Variants in CLASP1 observed in about 807,000 individuals in gnomAD.
CLASP1 encodes the protein CLIP-associating protein 1.
CLASP1 carries 38 observed loss-of-function variants against 192.3 expected under a neutral mutation model. The observed-to-expected ratio is 0.20, with a 90% CI of 0.15 to 0.26. The LOEUF is 0.26. Among genes scored for constraint, CLASP1 ranks in the 10% least tolerant of loss-of-function variants. The pLI, the probability that CLASP1 is intolerant of heterozygous loss-of-function variation, is 1.00. For synonymous variants in CLASP1, 691 were observed against 712.8 expected, an observed-to-expected ratio of 0.97 and a Z score of 0.49; for missense variants, 1,433 against 1,932.5, an observed-to-expected ratio of 0.74 and a Z score of 4.85.
intron 1 of CLASP1, among the ~76,000 whole-genome samples, chr2:121,624,769 A>T (rs2068012542): frequency 6.6e-6 from 1 of 152,188 alleles, no homozygotes; most frequent in South Asian, 2.1e-4. Context: ...AACATACATA[A>T]GATTTGCCAT....
At chr2:121,362,102 C>A (rs967332755) in intron 37 of CLASP1, among the ~76,000 whole-genome samples, 1 of 152,248 alleles carries the variant, frequency 6.6e-6, no homozygotes, top group East Asian at 1.9e-4. Flanking sequence ...TAATTCCCTT[C>A]ATCCACGAGT....
intron 2 of CLASP1, among the ~76,000 whole-genome samples, chr2:121,584,890 T>G (rs2061555865): frequency 6.6e-6 from 1 of 152,190 alleles, no homozygotes; most frequent in South Asian, 2.1e-4. Flanking sequence ...AGGCAAGTAG[T>G]GATAGTGCTG....
intron 19 of CLASP1, among the ~76,000 whole-genome samples, chr2:121,438,046 T>C (rs750824004): frequency 2.0e-5 from 3 of 152,242 alleles, no homozygotes; most frequent in Non-Finnish European, 4.4e-5. Context: ...AAGGGTACAT[T>C]CTGTTTTTAT....
intron 8 of CLASP1, 178 bp from the exon 9 acceptor site, chr2:121,470,138 A>G (rs1404888606): frequency 6.0e-6 from 4 of 662,544 alleles, no homozygotes; most frequent in African/African-American, 3.6e-5. Context: ...CCCAGAATGA[A>G]GCTACAAAGA....
At chr2:121,642,349 A>G (rs2072264721) in intron 1 of CLASP1, among the ~76,000 whole-genome samples, 1 of 150,290 alleles carries the variant, frequency 6.7e-6, no homozygotes, top group South Asian at 2.1e-4. Flanking sequence ...GCAGTAAGCC[A>G]TGATCATACC....
At chr2:121,384,031 C>T (rs1469585545) in intron 32 of CLASP1, among the ~76,000 whole-genome samples, 9 of 132,830 alleles carry the variant, frequency 6.8e-5, no homozygotes, top group Non-Finnish European at 8.4e-5. Context: ...CACACACACA[C>T]ATATATATGT....
chr2:121,642,411 A>G (rs1432321183), intron 1 of CLASP1, among the ~76,000 whole-genome samples: 2 of 151,820 alleles, frequency 1.3e-5, no homozygotes, highest in African/African-American at 2.4e-5. Context: ...TAAAAAAAAA[A>G]AAAAAAAGAA....
At chr2:121,416,862 G>A (rs867936958) in intron 23 of CLASP1, among the ~76,000 whole-genome samples, 28 of 152,314 alleles carry the variant, frequency 1.8e-4, no homozygotes, top group African/African-American at 6.5e-4. Context: ...TGTCCCAGAG[G>A]ATGAACAGGG....
intron 26 of CLASP1, chr2:121,402,779 C>T (rs1422868982): frequency 8.7e-5 from 36 of 414,410 alleles, no homozygotes; most frequent in Non-Finnish European, 1.9e-5. Context: ...GCTTTTACCA[C>T]TACCTTAGAG....
chr2:121,534,496 C>A (rs1267268400), intron 2 of CLASP1, among the ~76,000 whole-genome samples: 2 of 152,200 alleles, frequency 1.3e-5, no homozygotes, highest in African/African-American at 2.4e-5. Flanking sequence ...TCCTAATAAT[C>A]TAGTCCTCGG....
intron 8 of CLASP1, among the ~76,000 whole-genome samples, chr2:121,478,847 AC>A (rs1173488083): frequency 9.1e-5 from 2 of 22,056 alleles, no homozygotes; most frequent in African/African-American, 3.5e-4. Context: ...CCACACACAC[AC>A]CACACACCAC....
chr2:121,531,020 T>C (rs1559535810), intron 2 of CLASP1: 7 of 700,104 alleles, frequency 1.0e-5, no homozygotes, highest in South Asian at 3.0e-5. Flanking sequence ...GAAAACCTGT[T>C]TTCATAGACT....
chr2:121,544,615 T>C (rs2095294709), intron 2 of CLASP1, among the ~76,000 whole-genome samples: 2 of 152,164 alleles, frequency 1.3e-5, no homozygotes, highest in Admixed American at 1.3e-4. Context: ...TAGAATTCTA[T>C]ATACTTGATC....
intron 8 of CLASP1, among the ~76,000 whole-genome samples, chr2:121,493,165 CAA>C (rs1464456418): frequency 6.6e-6 from 1 of 152,102 alleles, no homozygotes; most frequent in African/African-American, 2.4e-5. Context: ...TACGGAACCA[CAA>C]AAGACTCAGA....
intron 1 of CLASP1, among the ~76,000 whole-genome samples, chr2:121,643,158 A>G (rs745686381): frequency 2.0e-5 from 3 of 152,274 alleles, no homozygotes; most frequent in Non-Finnish European, 4.4e-5. Flanking sequence ...TTCTTTCCCC[A>G]AAAGATCAAT....
intron 26 of CLASP1, among the ~76,000 whole-genome samples, chr2:121,402,117 A>G (rs2076232077): frequency 6.6e-6 from 1 of 152,198 alleles, no homozygotes; most frequent in Admixed American, 6.6e-5. Context: ...CCCTAATTCT[A>G]TAGTATTCTT....
intron 7 of CLASP1, among the ~76,000 whole-genome samples, chr2:121,511,286 G>C (rs927723857): frequency 2.0e-5 from 3 of 152,054 alleles, no homozygotes; most frequent in African/African-American, 7.2e-5. Context: ...ATATATGAGA[G>C]AGGTTAAGAG....
At chr2:121,641,332 T>TA (rs35155528) in intron 1 of CLASP1, among the ~76,000 whole-genome samples, 9,202 of 130,670 alleles carry the variant, frequency 0.07, 388 homozygotes, top group African/African-American at 0.13. Flanking sequence ...GGGAACCTGT[T>TA]AAAAAAAAAA....
chr2:121,416,994 T>TACA (rs2078709137), intron 23 of CLASP1, among the ~76,000 whole-genome samples: 1 of 152,130 alleles, frequency 6.6e-6, no homozygotes, highest in African/African-American at 2.4e-5. Context: ...AAAAGCATGA[T>TACA]ACAAAAATTT....
Sources: gnomAD v4.1 joint callset for allele counts (sites outside exome capture counted in the v4.1 genomes callset) on GRCh38, gnomAD v4.1.1 for gene constraint, MANE v1.5 for transcripts, NCBI Gene and HGNC (gene_info 2026-07-23, HGNC 2026-07-21) for gene names.